Variants in FAM193B observed in about 807,000 individuals in gnomAD.
The protein encoded by FAM193B is protein FAM193B.
A neutral mutation model predicts 70.7 loss-of-function variants in FAM193B; 27 were observed. The ratio of observed to expected loss-of-function variants is 0.38; its 90% CI spans 0.28 to 0.53. The LOEUF (loss-of-function observed/expected upper bound fraction) is 0.53, where lower values mean the gene tolerates loss of function less well. FAM193B is among the 20% of genes least tolerant of loss of function. FAM193B has a pLI of 0.81. For missense variants in FAM193B, 1,022 were observed against 1,072.5 expected (o/e 0.95, Z 0.66); for synonymous variants, 448 against 436.0 (o/e 1.03, Z -0.34).
At chr5:177,536,200 A>G in intron 4 of FAM193B, 158 bp downstream of exon 4, 1 of 821,072 alleles carries the variant, frequency 1.2e-6, no homozygotes, top group Non-Finnish European at 1.9e-6. Flanking sequence ...GGTGTGAGCC[A>G]CTGTGCCAGG....
chr5:177,532,372 G>T lies in FAM193B; in HGVS notation c.1275+71C>A. 6.5e-7 allele frequency: 1 copy of T among 1,536,144 alleles called. No individual in the cohort carries two copies. Among genetic ancestry groups the T allele is most frequent in the Non-Finnish European group, 8.7e-7 (1 of 1,144,640 alleles). ...CACCGTGAGCAACGGGGTCTCTGGGGAGAGCAGGGTGCTCCTTTTGCTCAC... is the reference window on the plus strand; with the variant it reads ...CACCGTGAGCAACGGGGTCTCTGGGTAGAGCAGGGTGCTCCTTTTGCTCAC... On this transcript the variant is annotated intron_variant, in intron 5 of 8. Transcript: ENST00000514747. The surrounding 1 kb of genome is among the most constrained non-coding windows in gnomAD (Gnocchi z 4.9).
chr5:177,532,256 A>AG lies in FAM193B; in HGVS notation c.1275+186_1275+187insC. On this transcript the variant is annotated intron_variant, in intron 5 of 8. Coordinates refer to ENST00000514747, the MANE Select transcript of FAM193B (RefSeq NM_001190946.3). The surrounding 1 kb of genome is among the most constrained non-coding windows in gnomAD (Gnocchi z 4.9). Reference sequence around the variant, plus strand: ...CCATGAGAAGAGCAAAGGTAGCAAAATGTTTAAAAACCCCTACCTCACAAA... The same window carrying AG: ...CCATGAGAAGAGCAAAGGTAGCAAAAGTGTTTAAAAACCCCTACCTCACAAA... 1 of 1,490,310 alleles carries AG rather than the reference A, an allele frequency of 6.7e-7. No homozygotes were observed. Among genetic ancestry groups the AG allele is most frequent in the Non-Finnish European group, 8.9e-7 (1 of 1,126,228 alleles). 92.3% of individuals were successfully genotyped at this position (1,490,310 alleles called of 1,614,324 possible).
intron 5 of FAM193B, among the ~76,000 whole-genome samples, chr5:177,526,917 T>A (rs1762701289): frequency 6.6e-6 from 1 of 152,238 alleles, no homozygotes; most frequent in Non-Finnish European, 1.5e-5. Flanking sequence ...TCTGCCTCGC[T>A]GACTTCAGTC....
intron 1 of FAM193B, among the ~76,000 whole-genome samples, chr5:177,543,184 C>T (rs1201288011): frequency 6.6e-6 from 1 of 152,084 alleles, no homozygotes; most frequent in Non-Finnish European, 1.5e-5. Context: ...ATGAGATTAG[C>T]CATCACTAGA....
intron 5 of FAM193B, chr5:177,531,296 T>C: frequency 7.5e-7 from 1 of 1,331,284 alleles, no homozygotes; most frequent in Non-Finnish European, 1.0e-6. Context: ...TTTTTCAGCT[T>C]GTGCCGGGCC....
At chr5:177,553,344 T>C (rs2127497482) in intron 1 of FAM193B, 1 of 992,496 alleles carries the variant, frequency 1.0e-6, no homozygotes, top group Non-Finnish European at 1.2e-6. Flanking sequence ...TGCAGGAGCC[T>C]GCCTTCCTGG....
chr5:177,550,578 G>A (rs1249489823), intron 1 of FAM193B, among the ~76,000 whole-genome samples: 1 of 152,220 alleles, frequency 6.6e-6, no homozygotes, highest in Non-Finnish European at 1.5e-5. Flanking sequence ...AACAAGAGGT[G>A]GGGAAGGGTA....
intron 1 of FAM193B, among the ~76,000 whole-genome samples, chr5:177,544,343 T>G (rs539666308): frequency 6.3e-4 from 96 of 152,346 alleles, no homozygotes; most frequent in Admixed American, 9.8e-4. Flanking sequence ...AGCATTAAGT[T>G]AGGGCATTCT....
chr5:177,536,339 C>T lies in FAM193B; in HGVS notation c.1076+19G>A. The T allele has an allele frequency of 6.2e-7, 1 of 1,603,150 alleles. No homozygotes were observed. Among genetic ancestry groups the T allele is most frequent in the Non-Finnish European group, 8.5e-7 (1 of 1,176,648 alleles). On this transcript the variant is annotated intron_variant, in intron 4 of 8. Coordinates refer to ENST00000514747, the MANE Select transcript of FAM193B (RefSeq NM_001190946.3). Reference sequence around the variant, plus strand: ...AGTTCAAGTGGGTAGCGAGTTTGCCCTTCATGCAGCACACTTACCTGTGAG... The same window carrying T: ...AGTTCAAGTGGGTAGCGAGTTTGCCTTTCATGCAGCACACTTACCTGTGAG...
At chr5:177,537,136 C>G (rs1030227681) in intron 3 of FAM193B, among the ~76,000 whole-genome samples, 1 of 152,196 alleles carries the variant, frequency 6.6e-6, no homozygotes, top group African/African-American at 2.4e-5. Flanking sequence ...ACGTGTACCA[C>G]AGCAGCAGGG....
intron 1 of FAM193B, among the ~76,000 whole-genome samples, chr5:177,551,312 G>GT (rs1766214897): frequency 6.6e-6 from 1 of 151,866 alleles, no homozygotes; most frequent in African/African-American, 2.4e-5. Context: ...TAATAAGGTA[G>GT]TAACTGTTTC....
At chr5:177,547,275 C>G (rs1393433149) in intron 1 of FAM193B, 2 of 93,910 alleles carry the variant, frequency 2.1e-5, no homozygotes, top group Non-Finnish European at 4.1e-5. Flanking sequence ...TTGCCCAAAC[C>G]AAATTTATTT....
chr5:177,536,453 C>A lies in FAM193B; in HGVS notation c.981G>T (p.Ser327=). The A allele has an allele frequency of 6.3e-7, 1 of 1,589,240 alleles. No individual in the cohort carries two copies. Among genetic ancestry groups the A allele is most frequent in the East Asian group, 2.3e-5 (1 of 44,052 alleles). Reference sequence around the variant, plus strand: ...GCCCGCTGCAGGGGTGGCTGCACCCCGAGAATGGTGGGGGCATCTTCAGGA... The same window carrying A: ...GCCCGCTGCAGGGGTGGCTGCACCCAGAGAATGGTGGGGGCATCTTCAGGA... The part of the protein sequence containing the change: ...MPLLKMPPPF[S]GCSHPCSGHC... Residue 327 remains serine, a synonymous_variant, in exon 4 of 9, where the codon TCG becomes TCT. Coordinates refer to ENST00000514747, the MANE Select transcript of FAM193B (RefSeq NM_001190946.3).
At chr5:177,552,321 G>C (rs1003541028) in intron 1 of FAM193B, among the ~76,000 whole-genome samples, 1 of 152,190 alleles carries the variant, frequency 6.6e-6, no homozygotes. Context: ...ATACAGGTGA[G>C]GTGGGAAGAT....
chr5:177,534,562 A>G (rs1581889535), intron 4 of FAM193B, among the ~76,000 whole-genome samples: 1 of 151,808 alleles, frequency 6.6e-6, no homozygotes. Flanking sequence ...TCAGCCTCCC[A>G]AAGTGCTGGG....
chr5:177,553,017 C>A (rs902042009), intron 1 of FAM193B, among the ~76,000 whole-genome samples: 1 of 152,164 alleles, frequency 6.6e-6, no homozygotes, highest in Non-Finnish European at 1.5e-5. Context: ...GGGCAGGCAA[C>A]AGACATATCA....
At position 177,532,135 on chromosome 5, in the gene FAM193B, G is replaced by T; in HGVS notation, c.1275+308C>A. On this transcript the variant is annotated intron_variant, in intron 5 of 8. Transcript: ENST00000514747. This position sits in a 1 kb window ranked among gnomAD's most constrained non-coding sequence, Gnocchi z 4.9. ...TCACTCCCAAGCGTTCACTTCTCTG[G>T]GATTACACACGTATACATACTCATC... 7.3e-7 allele frequency: 1 copy of T among 1,366,950 alleles called. No homozygotes were observed. Among genetic ancestry groups the T allele is most frequent in the East Asian group, 4.1e-5 (1 of 24,504 alleles). 84.7% of individuals were successfully genotyped at this position (1,366,950 alleles called of 1,614,324 possible).
chr5:177,534,283 C>T (rs1040836481), intron 4 of FAM193B, among the ~76,000 whole-genome samples: 1 of 143,078 alleles, frequency 7.0e-6, no homozygotes, highest in Admixed American at 7.8e-5. Context: ...ATTGCATTAG[C>T]AAAACTGATT....
intron 1 of FAM193B, among the ~76,000 whole-genome samples, chr5:177,540,181 C>A (rs538946468): frequency 2.0e-5 from 3 of 152,104 alleles, no homozygotes; most frequent in South Asian, 2.1e-4. Context: ...GTGGCAAGCA[C>A]CTGTAGTCCC....
Sources: gnomAD v4.1 joint callset for allele counts (sites outside exome capture counted in the v4.1 genomes callset) on GRCh38, gnomAD v4.1.1 for gene constraint, Gnocchi (gnomAD v3.1) non-coding constraint, MANE v1.5 for transcripts, NCBI Gene and HGNC (gene_info 2026-07-23, HGNC 2026-07-21) for gene names.